TERB1: variants seen among roughly 807,000 people sequenced by gnomAD.
TERB1 encodes telomere repeat binding bouquet formation protein 1.
A neutral mutation model predicts 92.3 loss-of-function variants in TERB1; 63 were observed. That is an observed-to-expected ratio of 0.68 (90% CI 0.56 to 0.84). TERB1 has a LOEUF of 0.84. Ranked by LOEUF, TERB1 falls within the 40% of genes least tolerant of loss-of-function variation. The pLI is 0.00. For missense variants in TERB1, 709 were observed against 843.7 expected, an observed-to-expected ratio of 0.84 and a Z score of 1.98; for synonymous variants, 252 against 283.9, an observed-to-expected ratio of 0.89 and a Z score of 1.13.
chr16:66,759,273 T>C lies in TERB1; in HGVS notation c.1798A>G (p.Lys600Glu). The stretch of plus-strand genomic sequence containing the variant: ...CTAAAGTTTCGGCTATTCAGGGATT[T>C]TTCTACTGCTATGCAACCTAAAAGA... The part of the protein sequence containing the change: ...YRCSGCIAVE[K>E]SLNSRNFSKL... The change falls in exon 17 of 19, where the codon AAA becomes GAA. Residue 600 changes from lysine (K) to glutamate (E), a missense_variant. Physicochemically the swap from Lys to Glu is moderately conservative, Grantham distance 56. Transcript: ENST00000433154. 1 of 1,540,292 alleles carries C rather than the reference T, an allele frequency of 6.5e-7. No homozygotes were observed. Among genetic ancestry groups the C allele is most frequent in the Non-Finnish European group, 8.7e-7 (1 of 1,144,274 alleles).
At chr16:66,776,294 A>T (rs1301753324) in intron 11 of TERB1, among the ~76,000 whole-genome samples, 1 of 149,632 alleles carries the variant, frequency 6.7e-6, no homozygotes, top group African/African-American at 2.5e-5. Context: ...GCACCGCTGC[A>T]CTCCAGCCTG....
chr16:66,796,896 A>G, intron 2 of TERB1, 66 bp from the exon 3 acceptor site: 1 of 784,922 alleles, frequency 1.3e-6, no homozygotes, highest in Non-Finnish European at 2.0e-6. Context: ...ATAAGTACAA[A>G]TGGGCGGGAA....
intron 16 of TERB1, among the ~76,000 whole-genome samples, chr16:66,760,175 T>A (rs2018211719): frequency 2.0e-5 from 2 of 98,578 alleles, no homozygotes; most frequent in African/African-American, 4.0e-5. Context: ...AAAAAGAGCA[T>A]CTAGGTTGGG....
chr16:66,801,952 C>G (rs943581034), upstream of TERB1, among the ~76,000 whole-genome samples: 1 of 152,210 alleles, frequency 6.6e-6, no homozygotes, highest in Non-Finnish European at 1.5e-5. Context: ...GGGCACCTCG[C>G]TAATCGTCAC....
intron 10 of TERB1, among the ~76,000 whole-genome samples, chr16:66,778,638 G>T (rs1252399163): frequency 6.6e-6 from 1 of 151,486 alleles, no homozygotes; most frequent in Non-Finnish European, 1.5e-5. Flanking sequence ...GGCTGGTCTT[G>T]AACTCCTGAC....
chr16:66,788,856 C>CTAAT (rs2018772119), intron 5 of TERB1, among the ~76,000 whole-genome samples: 1 of 151,606 alleles, frequency 6.6e-6, no homozygotes, highest in Non-Finnish European at 1.5e-5. Context: ...TAGAACCAGC[C>CTAAT]ATTAGACCCT....
intron 9 of TERB1, among the ~76,000 whole-genome samples, chr16:66,783,970 G>A (rs1165774232): frequency 3.3e-5 from 5 of 152,148 alleles, no homozygotes; most frequent in African/African-American, 9.7e-5. Flanking sequence ...TTTCTTCTTG[G>A]GTGAGCTTTG....
intron 16 of TERB1, among the ~76,000 whole-genome samples, chr16:66,765,729 A>G (rs1240017802): frequency 1.3e-5 from 2 of 151,408 alleles, no homozygotes; most frequent in Non-Finnish European, 2.9e-5. Flanking sequence ...AAGTGCTAGG[A>G]TTACAGACAT....
intron 6 of TERB1, among the ~76,000 whole-genome samples, chr16:66,787,596 C>T (rs986681235): frequency 2.0e-5 from 3 of 152,212 alleles, no homozygotes; most frequent in Admixed American, 1.3e-4. Flanking sequence ...TGGCTTACAC[C>T]GTAAACACTG....
intron 9 of TERB1, among the ~76,000 whole-genome samples, chr16:66,782,665 T>C (rs548244695): frequency 6.6e-6 from 1 of 152,288 alleles, no homozygotes; most frequent in East Asian, 1.9e-4. Context: ...TATACTTTTT[T>C]CCCCAAAAGT....
At chr16:66,778,840 A>G (rs1160901244) in intron 10 of TERB1, 23 bp downstream of exon 10, 3 of 1,458,408 alleles carry the variant, frequency 2.1e-6, no homozygotes, top group Non-Finnish European at 1.8e-6. Context: ...ATTTCAAAAA[A>G]ACTAGTAAGC....
At chr16:66,800,581 A>G (rs1959249206) in intron 2 of TERB1, among the ~76,000 whole-genome samples, 1 of 151,594 alleles carries the variant, frequency 6.6e-6, no homozygotes. Context: ...TCGAAATATT[A>G]TCCCAGTATA....
intron 2 of TERB1, among the ~76,000 whole-genome samples, chr16:66,800,755 T>C (rs1959255227): frequency 6.6e-6 from 1 of 152,016 alleles, no homozygotes; most frequent in Non-Finnish European, 1.5e-5. Flanking sequence ...TTTTCGATCG[T>C]TTAAACGGTC....
At chr16:66,783,718 TTTG>T (rs543203804) in intron 9 of TERB1, among the ~76,000 whole-genome samples, 2 of 152,050 alleles carry the variant, frequency 1.3e-5, no homozygotes, top group African/African-American at 4.8e-5. Flanking sequence ...TGTTTTGCGT[TTTG>T]TTGTTGTTGT....
Position 66,775,138 on chromosome 16 carries a change from A to G in TERB1, c.1091T>C (p.Leu364Pro). The part of the protein sequence containing the change: ...EELNKAATFV[L>P]HNCKKITEKL... Reference sequence around the variant, plus strand: ...CTTACTAATTTTTTTGCAGTTGTGAAGCACAAATGTGGCAGCTTTGTTCAG... The same window carrying G: ...CTTACTAATTTTTTTGCAGTTGTGAGGCACAAATGTGGCAGCTTTGTTCAG... Residue 364 changes from leucine to proline, a missense_variant, in exon 12 of 19, where the codon CTT becomes CCT. Transcript: ENST00000433154. The G allele has an allele frequency of 6.4e-7, 1 of 1,551,662 alleles. No individual in the cohort carries two copies. Among genetic ancestry groups the G allele is most frequent in the South Asian group, 1.2e-5 (1 of 84,058 alleles).
In TERB1 at chr16:66,759,269, G is replaced by T; in HGVS notation, c.1802C>A (p.Ser601Tyr). The T allele has an allele frequency of 6.5e-7, 1 of 1,541,354 alleles. No homozygotes were observed. Among genetic ancestry groups the T allele is most frequent in the East Asian group, 2.4e-5 (1 of 40,842 alleles). The change falls in exon 17 of 19, where the codon TCC (serine) becomes TAC (tyrosine). Residue 601 changes from serine (S) to tyrosine (Y), a missense_variant. Ser to Tyr is a moderately radical substitution (Grantham distance 144). Coordinates refer to ENST00000433154, the MANE Select transcript of TERB1 (RefSeq NM_001136505.2). ...CTTGCTAAAGTTTCGGCTATTCAGG[G>T]ATTTTTCTACTGCTATGCAACCTAA... ...RCSGCIAVEKSLNSRNFSKLL... is the reference protein window; with the variant it reads ...RCSGCIAVEKYLNSRNFSKLL...
intron 16 of TERB1, among the ~76,000 whole-genome samples, chr16:66,763,269 G>A (rs1370465209): frequency 1.3e-5 from 2 of 151,998 alleles, no homozygotes; most frequent in African/African-American, 4.8e-5. Flanking sequence ...CACTGTGTCT[G>A]ACTTACATTC....
intron 12 of TERB1, among the ~76,000 whole-genome samples, chr16:66,774,034 C>T (rs1415976337): frequency 6.6e-6 from 1 of 151,810 alleles, no homozygotes; most frequent in Non-Finnish European, 1.5e-5. Flanking sequence ...CGTGCGCCAC[C>T]AGGCCTGGCT....
chr16:66,774,870 A>T (rs1013468546), intron 12 of TERB1, among the ~76,000 whole-genome samples: 8 of 151,258 alleles, frequency 5.3e-5, no homozygotes, highest in Non-Finnish European at 8.8e-5. Context: ...CTATATATAT[A>T]TTTTTTTATA....
Sources: allele counts gnomAD v4.1 joint callset (sites outside exome capture counted in the v4.1 genomes callset), GRCh38; gene constraint gnomAD v4.1.1; transcripts MANE v1.5; gene names NCBI Gene and HGNC (gene_info 2026-07-23, HGNC 2026-07-21).